TENM2: variants seen among roughly 807,000 people sequenced by gnomAD.
TENM2 encodes teneurin transmembrane protein 2.
TENM2 carries 52 observed loss-of-function variants against 245.2 expected under a neutral mutation model. That is an observed-to-expected ratio of 0.21 (90% CI 0.17 to 0.27). The LOEUF (loss-of-function observed/expected upper bound fraction) is 0.27. TENM2 is among the 10% of genes least tolerant of loss of function. The pLI, the probability that TENM2 is intolerant of heterozygous loss-of-function variation, is 1.00. For missense variants in TENM2, 3,046 were observed against 3,666.8 expected (o/e 0.83, Z 4.37); for synonymous variants, 1,363 against 1,438.9 (o/e 0.95, Z 1.19).
At chr5:167,791,423 A>AATATATTATATATTTATATATAATATTAT (rs2150896459) in intron 2 of TENM2, among the ~76,000 whole-genome samples, 1 of 137,322 alleles carries the variant, frequency 7.3e-6, no homozygotes, top group African/African-American at 2.7e-5. Flanking sequence ...TGAAATATAT[A>AATATATTATATATTTATATATAATATTAT]ATATATTATA....
intron 2 of TENM2, among the ~76,000 whole-genome samples, chr5:167,698,684 T>TTTG (rs1554102357): frequency 3.4e-4 from 45 of 133,186 alleles, no homozygotes; most frequent in African/African-American, 1.3e-3. Flanking sequence ...TTTTTGTTTT[T>TTTG]TTTTTTTTTT....
intron 2 of TENM2, among the ~76,000 whole-genome samples, chr5:167,440,430 T>C (rs1309642609): frequency 2.6e-5 from 4 of 152,140 alleles, no homozygotes. Context: ...TTATGAAGCA[T>C]AATCTAGGCT....
At chr5:167,837,731 T>C (rs1481120013) in intron 2 of TENM2, among the ~76,000 whole-genome samples, 1 of 152,146 alleles carries the variant, frequency 6.6e-6, no homozygotes. Context: ...GACTACCAAG[T>C]AGGTGTTCAG....
At chr5:168,069,511 T>C (rs1485225446) in intron 7 of TENM2, among the ~76,000 whole-genome samples, 6 of 152,206 alleles carry the variant, frequency 3.9e-5, no homozygotes, top group African/African-American at 1.4e-4. Flanking sequence ...ACATGATGTC[T>C]AAACCCACTT....
the TENM2 span, among the ~76,000 whole-genome samples, chr5:167,213,240 C>T: frequency 2.6e-5 from 4 of 152,112 alleles, no homozygotes; most frequent in South Asian, 2.1e-4. Flanking sequence ...AGTCATTAAA[C>T]GATGTCTCAG....
chr5:167,193,484 G>A, the TENM2 span, among the ~76,000 whole-genome samples: 438 of 141,632 alleles, frequency 3.1e-3, 2 homozygotes, highest in African/African-American at 0.011. Context: ...CACATAGTTT[G>A]TAACAGACAG....
Position 168,098,137 on chromosome 5 carries a change from G to T in TENM2, c.1813+10G>T, listed in dbSNP as rs147965733. On this transcript the variant is annotated intron_variant, in intron 9 of 28. Transcript: ENST00000518659. ...GCAGACTGTGCTAAAGGTATGTGCC[G>T]CCACTTCCCTGCTATGGTTGGAAAA... 116 of 1,597,370 alleles carry T rather than the reference G, an allele frequency of 7.3e-5. 1 individual carries two copies. In the African/African-American group the frequency reaches 1.3e-3, roughly 18 times the overall value.
chr5:167,734,473 A>G (rs1320844789), intron 2 of TENM2, among the ~76,000 whole-genome samples: 1 of 148,458 alleles, frequency 6.7e-6, no homozygotes, highest in Admixed American at 6.8e-5. Context: ...ATATAATCAT[A>G]TATAATATAT....
chr5:168,059,913 T>C (rs1394896931), intron 6 of TENM2, among the ~76,000 whole-genome samples: 1 of 152,086 alleles, frequency 6.6e-6, no homozygotes, highest in African/African-American at 2.4e-5. Flanking sequence ...TCCTGTGAAA[T>C]AAATAGTGTC....
At chr5:167,250,493 T>C in the TENM2 span, among the ~76,000 whole-genome samples, 1 of 152,190 alleles carries the variant, frequency 6.6e-6, no homozygotes, top group Non-Finnish European at 1.5e-5. Context: ...ACGTGGCTAG[T>C]AAAAATGTAA....
intron 2 of TENM2, among the ~76,000 whole-genome samples, chr5:167,448,285 G>A (rs1765354175): frequency 6.6e-6 from 1 of 151,932 alleles, no homozygotes; most frequent in South Asian, 2.1e-4. Flanking sequence ...AAATGGTGAG[G>A]GTGGTGGAAG....
At chr5:167,252,835 T>G in the TENM2 span, among the ~76,000 whole-genome samples, 1 of 152,168 alleles carries the variant, frequency 6.6e-6, no homozygotes, top group Non-Finnish European at 1.5e-5. Context: ...AATAGCCCTA[T>G]GCCAAGTCAA....
At chr5:168,002,216 C>T (rs1784464527) in intron 5 of TENM2, among the ~76,000 whole-genome samples, 1 of 152,158 alleles carries the variant, frequency 6.6e-6, no homozygotes, top group Admixed American at 6.5e-5. Context: ...TTAGGGAAGG[C>T]CCTTCCCTTG....
chr5:167,518,270 C>G (rs1032473999), intron 2 of TENM2, among the ~76,000 whole-genome samples: 4 of 152,122 alleles, frequency 2.6e-5, no homozygotes, highest in African/African-American at 9.7e-5. Flanking sequence ...GACGCCATGA[C>G]AGGTGACAAT....
At chr5:167,753,953 C>A (rs1762119807) in intron 2 of TENM2, among the ~76,000 whole-genome samples, 1 of 152,272 alleles carries the variant, frequency 6.6e-6, no homozygotes, top group African/African-American at 2.4e-5. Context: ...TGTAACCATG[C>A]ATAGTCATCC....
intron 9 of TENM2, among the ~76,000 whole-genome samples, chr5:168,111,587 C>G (rs1188570492): frequency 3.3e-5 from 5 of 152,100 alleles, no homozygotes; most frequent in African/African-American, 7.2e-5. Flanking sequence ...ATTGCTCTGC[C>G]CATTTAATAG....
intron 2 of TENM2, among the ~76,000 whole-genome samples, chr5:167,761,085 C>T (rs750102580): frequency 5.3e-5 from 8 of 152,162 alleles, no homozygotes; most frequent in Non-Finnish European, 8.8e-5. Context: ...CCTATCTAAA[C>T]TTTCTGCTTT....
chr5:167,943,413 A>T (rs1752908157), intron 3 of TENM2, among the ~76,000 whole-genome samples: 1 of 152,196 alleles, frequency 6.6e-6, no homozygotes, highest in Admixed American at 6.5e-5. Context: ...AGAGAAAAAA[A>T]GAATGAAATA....
intron 2 of TENM2, among the ~76,000 whole-genome samples, chr5:167,450,893 A>G (rs1199921488): frequency 6.6e-6 from 1 of 152,226 alleles, no homozygotes; most frequent in Non-Finnish European, 1.5e-5. Context: ...TATTAATATC[A>G]CATCATATTT....
Sources: allele counts gnomAD v4.1 joint callset (sites outside exome capture counted in the v4.1 genomes callset), GRCh38; gene constraint gnomAD v4.1.1; transcripts MANE v1.5; gene names NCBI Gene and HGNC (gene_info 2026-07-23, HGNC 2026-07-21).